TNFAIP8L3: variants seen among roughly 807,000 people sequenced by gnomAD.
The protein encoded by TNFAIP8L3 is TNF alpha induced protein 8 like 3, also known as tumor necrosis factor alpha-induced protein 8-like protein 3.
In TNFAIP8L3, 7 loss-of-function variants were observed where a neutral mutation model predicts 11.8. That is an observed-to-expected ratio of 0.59 (90% CI 0.34 to 1.11). The LOEUF (loss-of-function observed/expected upper bound fraction) is 1.11, where lower values mean the gene tolerates loss of function less well. Ranked by LOEUF, TNFAIP8L3 falls within the 50% of genes most tolerant of loss-of-function variation. The pLI is 0.03. For missense variants in TNFAIP8L3, 219 were observed against 258.6 expected (o/e 0.85, Z 1.05); for synonymous variants, 98 against 103.8 (o/e 0.94, Z 0.34).
At chr15:51,101,007 G>A (rs772336740) in intron 1 of TNFAIP8L3, among the ~76,000 whole-genome samples, 2 of 152,220 alleles carry the variant, frequency 1.3e-5, no homozygotes, top group Non-Finnish European at 2.9e-5. Context: ...TACAGCCAGT[G>A]GGAGGCACTG....
At chr15:51,062,581 C>T (rs1344200116) in intron 1 of TNFAIP8L3, among the ~76,000 whole-genome samples, 1 of 152,226 alleles carries the variant, frequency 6.6e-6, no homozygotes, top group Non-Finnish European at 1.5e-5. Flanking sequence ...CTCTTGCAGT[C>T]TGCCCATCTA....
upstream of TNFAIP8L3, among the ~76,000 whole-genome samples, chr15:51,095,202 A>G (rs2065504497): frequency 7.4e-6 from 1 of 134,370 alleles, no homozygotes; most frequent in Admixed American, 8.0e-5. Flanking sequence ...TTTTCTCACT[A>G]GGAAGATGAG....
At chr15:51,072,642 G>GAT (rs2065318154) in intron 1 of TNFAIP8L3, among the ~76,000 whole-genome samples, 1 of 151,708 alleles carries the variant, frequency 6.6e-6, no homozygotes, top group Non-Finnish European at 1.5e-5. Flanking sequence ...CATGAGGTTG[G>GAT]GAATCTTTTT....
intron 1 of TNFAIP8L3, among the ~76,000 whole-genome samples, chr15:51,059,260 G>C (rs1364390195): frequency 6.6e-6 from 1 of 152,088 alleles, no homozygotes; most frequent in Admixed American, 6.5e-5. Context: ...TTATTTTGCT[G>C]TTATTTTCTA....
intron 1 of TNFAIP8L3, among the ~76,000 whole-genome samples, chr15:51,100,404 GACA>G (rs2065542128): frequency 6.6e-6 from 1 of 151,186 alleles, no homozygotes; most frequent in Non-Finnish European, 1.5e-5. Context: ...TTTTTTTAAA[GACA>G]ACAACAAGAG....
chr15:51,094,994 G>A (rs555859145), upstream of TNFAIP8L3, among the ~76,000 whole-genome samples: 224 of 152,102 alleles, frequency 1.5e-3, 1 homozygote, highest in African/African-American at 4.7e-3. This position sits in a 1 kb window ranked among gnomAD's most constrained non-coding sequence, Gnocchi z 4.4. Flanking sequence ...CCTTGGACTT[G>A]CCTCGCGCGG....
intron 1 of TNFAIP8L3, among the ~76,000 whole-genome samples, chr15:51,082,600 TA>T (rs1439232099): frequency 1.3e-5 from 2 of 152,262 alleles, no homozygotes; most frequent in Non-Finnish European, 2.9e-5. Context: ...TTTTTTACTT[TA>T]TAAACTTTAA....
chr15:51,082,261 A>G (rs1483179185), intron 1 of TNFAIP8L3, among the ~76,000 whole-genome samples: 3 of 152,124 alleles, frequency 2.0e-5, no homozygotes, highest in African/African-American at 7.2e-5. Flanking sequence ...CTAGGCTACA[A>G]ACTTGTACCG....
intron 1 of TNFAIP8L3, among the ~76,000 whole-genome samples, chr15:51,089,620 A>G (rs1282451817): frequency 2.0e-5 from 3 of 152,220 alleles, no homozygotes; most frequent in African/African-American, 7.2e-5. Context: ...TTAAAACACT[A>G]AAACAAAACA....
chr15:51,092,790 T>C (rs1018400152), intron 1 of TNFAIP8L3, among the ~76,000 whole-genome samples: 1 of 152,158 alleles, frequency 6.6e-6, no homozygotes, highest in African/African-American at 2.4e-5. Context: ...AGCAGAATTC[T>C]TTTCCTTCCC....
intron 1 of TNFAIP8L3, among the ~76,000 whole-genome samples, chr15:51,085,345 T>C (rs777197844): frequency 4.6e-5 from 7 of 152,152 alleles, no homozygotes; most frequent in Non-Finnish European, 7.4e-5. Context: ...GCCTCTCAAG[T>C]ATTAAAAAAA....
intron 1 of TNFAIP8L3, among the ~76,000 whole-genome samples, chr15:51,087,919 T>TTATATATATATATATA (rs6145560): frequency 0.022 from 2,194 of 101,338 alleles, 171 homozygotes; most frequent in Non-Finnish European, 0.03. Flanking sequence ...TAGCATACCT[T>TTATATATATATATATA]TATATATATA....
chr15:51,082,786 A>G lies in TNFAIP8L3; in HGVS notation c.52+11758T>C, dbSNP rs570533109. ...GTTAAAAACTAAGAAAAACACATAC[A>G]TTAGTCTCTGCCGACAAAGGGTCAA... is the stretch of plus-strand genomic sequence containing the variant. On this transcript the variant is annotated intron_variant, in intron 1 of 1. Coordinates refer to ENST00000637513, the MANE Select transcript of TNFAIP8L3 (RefSeq NM_001311175.2). Among the ~76,000 whole-genome samples, 33 of 152,294 alleles carry G rather than the reference A, an allele frequency of 2.2e-4. No individual in the cohort carries two copies. The East Asian group carries it at 6.4e-3, about 29-fold the overall frequency.
intron 1 of TNFAIP8L3, among the ~76,000 whole-genome samples, chr15:51,104,731 G>T (rs372992008): frequency 6.6e-6 from 1 of 152,190 alleles, no homozygotes. Flanking sequence ...TCTGGCCAGC[G>T]TGCCCTTGTG....
intron 1 of TNFAIP8L3, among the ~76,000 whole-genome samples, chr15:51,074,568 C>G (rs187923679): frequency 1.3e-5 from 2 of 152,322 alleles, no homozygotes; most frequent in African/African-American, 4.8e-5. Context: ...CTCTGCCCAC[C>G]GGATCCCATC....
At chr15:51,095,645 T>A (rs2065508890), upstream of TNFAIP8L3, among the ~76,000 whole-genome samples, 1 of 147,714 alleles carries the variant, frequency 6.8e-6, no homozygotes, top group African/African-American at 2.5e-5. Flanking sequence ...CACCATCCTT[T>A]ATGAAAGGAA....
upstream of TNFAIP8L3, among the ~76,000 whole-genome samples, chr15:51,095,345 G>C (rs972664595): frequency 6.6e-6 from 1 of 152,168 alleles, no homozygotes; most frequent in African/African-American, 2.4e-5. Flanking sequence ...GCGTGTGCGG[G>C]ACCGAGCGCT....
At chr15:51,093,614 C>A (rs1288849680) in intron 1 of TNFAIP8L3, among the ~76,000 whole-genome samples, 1 of 152,154 alleles carries the variant, frequency 6.6e-6, no homozygotes, top group Non-Finnish European at 1.5e-5. Flanking sequence ...GGGTCCCAGC[C>A]CGCAGGTCAC....
chr15:51,082,894 A>G (rs1367000667), intron 1 of TNFAIP8L3, among the ~76,000 whole-genome samples: 1 of 152,248 alleles, frequency 6.6e-6, no homozygotes, highest in African/African-American at 2.4e-5. Flanking sequence ...AAATATCATT[A>G]TGCAGCACCT....
Sources: gnomAD v4.1 joint callset for allele counts (sites outside exome capture counted in the v4.1 genomes callset) on GRCh38, gnomAD v4.1.1 for gene constraint, Gnocchi (gnomAD v3.1) non-coding constraint, MANE v1.5 for transcripts, NCBI Gene and HGNC (gene_info 2026-07-23, HGNC 2026-07-21) for gene names.